Variants in POGLUT2 observed in about 807,000 individuals in gnomAD.
POGLUT2 encodes the protein protein O-glucosyltransferase 2.
POGLUT2 carries 47 observed loss-of-function variants against 57.6 expected under a neutral mutation model. The observed-to-expected ratio is 0.82, with a 90% confidence interval of 0.65 to 1.04. POGLUT2 has a LOEUF of 1.04. POGLUT2 is among the 50% of genes least tolerant of loss of function. The pLI, the probability that POGLUT2 is intolerant of heterozygous loss-of-function variation, is 0.00. For missense variants in POGLUT2, 565 were observed against 614.8 expected (o/e 0.92, Z 0.86); for synonymous variants, 200 against 218.8 (o/e 0.91, Z 0.76).
In POGLUT2 at chr13:102,798,728, C is replaced by G. The variant is rs1446606753; in HGVS notation, c.-58G>C. On this transcript the variant is annotated 5_prime_UTR_variant, in exon 1 of 10. Transcript: ENST00000376004. The stretch of plus-strand genomic sequence containing the variant: ...TAAATGAAGAAGTGTAAGAGGTGGA[C>G]AGAAGCAGCCGAGCCTTCGGCAGGG... 3.4e-6 allele frequency: 5 copies of G among 1,455,172 alleles called. No individual in the cohort carries two copies. In the Admixed American group the frequency reaches 9.5e-5, roughly 28 times the overall value. The allele number at this position is 1,455,172 out of a possible 1,614,324, so 90.1% of individuals were successfully genotyped here. A position where few individuals can be genotyped will look rare whatever the true frequency, so the allele number is the denominator to read the frequency against.
Position 102,791,432 on chromosome 13 carries a change from T to C in POGLUT2, c.673-2A>G, listed in dbSNP as rs1164979318. 1.3e-6 allele frequency: 2 copies of C among 1,577,846 alleles called. No homozygotes were observed. The highest frequency in any genetic ancestry group is 1.2e-5 in the South Asian group (1 of 84,586). ...GAGCTCCACATCTGGCATCTTCACCTAGAAAAAACAAAACGAGGAGCTTAT... is the reference window on the plus strand; with the variant it reads ...GAGCTCCACATCTGGCATCTTCACCCAGAAAAAACAAAACGAGGAGCTTAT... On this transcript the variant is annotated splice_acceptor_variant, in intron 4 of 9. Coordinates refer to ENST00000376004, the MANE Select transcript of POGLUT2 (RefSeq NM_024089.3). LOFTEE classifies it high-confidence loss of function.
At position 102,793,667 on chromosome 13, in the gene POGLUT2, T is replaced by G; in HGVS notation, c.528A>C (p.Ala176=). 2 of 1,614,206 alleles carry G rather than the reference T, an allele frequency of 1.2e-6. No individual in the cohort carries two copies. The highest frequency in any genetic ancestry group is 1.7e-6 in the Non-Finnish European group (2 of 1,180,032). ...GTCCAAATCTTTTTGGGATTTCTAC[T>G]GCAATCTTTTCTGGATCCACAGCAG... ...HFPAVDPEKI[A]VEIPKRFGQR... is the part of the protein sequence containing the mutation. The change falls in exon 3 of 10, where the codon GCA becomes GCC. Residue 176 remains alanine (A), a synonymous_variant. Transcript: ENST00000376004.
chr13:102,795,166 C>T (rs887784904), intron 2 of POGLUT2, among the ~76,000 whole-genome samples: 3 of 148,316 alleles, frequency 2.0e-5, no homozygotes, highest in Admixed American at 1.4e-4. Flanking sequence ...GCAGCAGAAT[C>T]GCTTGAACCC....
chr13:102,793,156 A>G, intron 4 of POGLUT2, 185 bp downstream of exon 4: 1 of 540,316 alleles, frequency 1.9e-6, no homozygotes, highest in Non-Finnish European at 3.3e-6. Flanking sequence ...AGTTTGTAGC[A>G]CTTTGTTACG....
Position 102,786,253 on chromosome 13 carries a change from A to C in POGLUT2, c.1470T>G (p.Pro490=). Residue 490 remains proline, a synonymous_variant, in exon 9 of 10, where the codon CCT becomes CCG. Transcript: ENST00000376004. ...VEPQTEDDLF[P]CTCHRKKTKD... ...TTACCTTTTTCCTATGGCAAGTACA[A>C]GGGAAGAGGTCGTCCTCAGTCTGTG... 6.2e-7 allele frequency: 1 copy of C among 1,612,510 alleles called. No homozygotes were observed. Among genetic ancestry groups the C allele is most frequent in the Non-Finnish European group, 8.5e-7 (1 of 1,178,490 alleles).
chr13:102,787,789 T>G (rs754294198), intron 8 of POGLUT2, 45 bp downstream of exon 8: 6 of 1,019,464 alleles, frequency 5.9e-6, no homozygotes, highest in Non-Finnish European at 4.4e-6. Context: ...GTTCTTAACA[T>G]GTCTACTTAT....
chr13:102,797,641 C>A (rs1037398467), intron 1 of POGLUT2, among the ~76,000 whole-genome samples: 28 of 151,948 alleles, frequency 1.8e-4, no homozygotes, highest in Non-Finnish European at 3.8e-4. Flanking sequence ...ACTAGGGAGG[C>A]TGAGGTGGGA....
chr13:102,791,075 G>C lies in POGLUT2; in HGVS notation c.909C>G (p.Ser303=). 6.2e-7 allele frequency: 1 copy of C among 1,614,142 alleles called. No individual in the cohort carries two copies. Among genetic ancestry groups the C allele is most frequent in the Non-Finnish European group, 8.5e-7 (1 of 1,180,022 alleles). Reference sequence around the variant, plus strand: ...TGTCTCGCCCTCTCCAGACGGCAGTGGAATTTTTGCTTTCCCAGGGAGGAC... The same window carrying C: ...TGTCTCGCCCTCTCCAGACGGCAGTCGAATTTTTGCTTTCCCAGGGAGGAC... ...NTGPPWESKN[S]TAVWRGRDSR... The change falls in exon 6 of 10, where the codon TCC becomes TCG. Residue 303 remains serine, a synonymous_variant. Transcript: ENST00000376004.
intron 9 of POGLUT2, among the ~76,000 whole-genome samples, chr13:102,785,436 T>G (rs1248960977): frequency 7.2e-6 from 1 of 138,502 alleles, no homozygotes; most frequent in Admixed American, 8.0e-5. Flanking sequence ...CCTAAAATGT[T>G]AAGTCAGCAT....
Position 102,791,403 on chromosome 13 carries a change from C to G in POGLUT2, c.700G>C (p.Val234Leu), listed in dbSNP as rs1024602741. Residue 234 changes from valine (V) to leucine (L), a missense_variant, in exon 5 of 10, where the codon GTT (valine) becomes CTT (leucine). Coordinates refer to ENST00000376004, the MANE Select transcript of POGLUT2 (RefSeq NM_024089.3). Reference protein sequence around the residue: ...KVKMPDVELFVNLGDWPLEKK... With the variant: ...KVKMPDVELFLNLGDWPLEKK... ...TCCAAAGGCCAGTCTCCCAAATTAA[C>G]AAAGAGCTCCACATCTGGCATCTTC... 6.3e-7 allele frequency: 1 copy of G among 1,599,820 alleles called. No individual in the cohort carries two copies. Among genetic ancestry groups the G allele is most frequent in the Non-Finnish European group, 8.5e-7 (1 of 1,176,334 alleles).
At chr13:102,796,683 TAAAAAAAA>T (rs199885678) in intron 2 of POGLUT2, 113 bp downstream of exon 2, 133 of 176,170 alleles carry the variant, frequency 7.5e-4, no homozygotes, top group African/African-American at 3.7e-3. Context: ...CTTCTTTCAG[TAAAAAAAA>T]AAAAAAAAAT....
Position 102,791,089 on chromosome 13 carries a change from C to T in POGLUT2, c.895G>A (p.Glu299Lys). Residue 299 changes from glutamate (E) to lysine (K), a missense_variant, in exon 6 of 10, where the codon GAA becomes AAA. Coordinates refer to ENST00000376004, the MANE Select transcript of POGLUT2 (RefSeq NM_024089.3). ...SVQANTGPPW[E>K]SKNSTAVWRG... ...CAGACGGCAGTGGAATTTTTGCTTT[C>T]CCAGGGAGGACCCGTGTTAGCTTGC... 6.2e-7 allele frequency: 1 copy of T among 1,614,166 alleles called. No homozygotes were observed. Among genetic ancestry groups the T allele is most frequent in the Admixed American group, 1.7e-5 (1 of 60,014 alleles).
At chr13:102,785,128 A>G (rs980028015) in intron 9 of POGLUT2, among the ~76,000 whole-genome samples, 2 of 152,366 alleles carry the variant, frequency 1.3e-5, no homozygotes, top group African/African-American at 4.8e-5. Context: ...TATAAAAAAC[A>G]AAGACAAAAA....
chr13:102,789,053 G>C lies in POGLUT2; in HGVS notation c.1252C>G (p.Leu418Val). 1 of 1,614,166 alleles carries C rather than the reference G, an allele frequency of 6.2e-7. No individual in the cohort carries two copies. Among genetic ancestry groups the C allele is most frequent in the Non-Finnish European group, 8.5e-7 (1 of 1,180,036 alleles). Residue 418 changes from leucine to valine, a missense_variant, in exon 7 of 10, where the codon CTG becomes GTG. Leu to Val is a conservative substitution (Grantham distance 32, BLOSUM62 1). Transcript: ENST00000376004. ...YIPVKSNLSD[L>V]LEKLKWAKDH... ...TTCGCCCATTTAAGTTTTTCTAGCAGATCGCTCAGGTTGCTCTTAACTGGA... is the reference window on the plus strand; with the variant it reads ...TTCGCCCATTTAAGTTTTTCTAGCACATCGCTCAGGTTGCTCTTAACTGGA...
Position 102,793,338 on chromosome 13 carries a change from T to A in POGLUT2, c.672+3A>T. On this transcript the variant is annotated splice_donor_region_variant and intron_variant, in intron 4 of 9. Coordinates refer to ENST00000376004, the MANE Select transcript of POGLUT2 (RefSeq NM_024089.3). ...TTACAGCTAAGAGAAAATATATACT[T>A]ACCTTTCTAGTCAAAGAAAGTAGTA... is the stretch of plus-strand genomic sequence containing the variant. The A allele has an allele frequency of 6.8e-7, 1 of 1,466,278 alleles. No individual in the cohort carries two copies. The highest frequency in any genetic ancestry group is 9.5e-7 in the Non-Finnish European group (1 of 1,049,312). The allele number at this position is 1,466,278 out of a possible 1,614,324, so 90.8% of individuals were successfully genotyped here.
chr13:102,788,928 T>G (rs929700344), intron 7 of POGLUT2, 84 bp downstream of exon 7: 29 of 1,153,006 alleles, frequency 2.5e-5, no homozygotes, highest in Non-Finnish European at 3.8e-5. Context: ...ACATCCTGGA[T>G]GCTCTCCAGG....
chr13:102,797,411 A>C (rs1005895164), intron 1 of POGLUT2, among the ~76,000 whole-genome samples: 8 of 152,158 alleles, frequency 5.3e-5, no homozygotes, highest in Non-Finnish European at 7.3e-5. Context: ...TCTGCCAATG[A>C]ATCTTTACAA....
rs1266890508 is a variant in POGLUT2, at chr13:102,797,067, G to A, written c.183-58C>T. On this transcript the variant is annotated intron_variant, in intron 1 of 9. Transcript: ENST00000376004. ...GATTTTAACGAACAAACACACAAAG[G>A]TTATGCTCTTCAGTCTGGAAACTTG... 11 of 1,198,534 alleles carry A rather than the reference G, an allele frequency of 9.2e-6. No homozygotes were observed. In the East Asian group the frequency reaches 1.9e-4, roughly 21 times the overall value. 74.2% of individuals were successfully genotyped at this position (1,198,534 alleles called of 1,614,324 possible). A position where few individuals can be genotyped will look rare whatever the true frequency, so the allele number is the denominator to read the frequency against.
At chr13:102,792,763 T>C (rs544992382) in intron 4 of POGLUT2, among the ~76,000 whole-genome samples, 1 of 152,046 alleles carries the variant, frequency 6.6e-6, no homozygotes, top group South Asian at 2.1e-4. Context: ...GAAAGGATCA[T>C]CTCAGAGGGA....
Sources: allele counts gnomAD v4.1 joint callset (sites outside exome capture counted in the v4.1 genomes callset), GRCh38; gene constraint gnomAD v4.1.1; transcripts MANE v1.5; gene names NCBI Gene and HGNC (gene_info 2026-07-23, HGNC 2026-07-21).